The following SCN11A variants were observed in gnomAD, a reference collection of about 807,000 sequenced individuals.
SCN11A encodes sodium voltage-gated channel alpha subunit 11.
SCN11A carries 122 observed loss-of-function variants against 162.2 expected under a neutral mutation model. The observed-to-expected ratio is 0.75, with a 90% confidence interval of 0.65 to 0.87. SCN11A has a LOEUF of 0.87. Among genes scored for constraint, SCN11A ranks in the 40% least tolerant of loss-of-function variants. The pLI is 0.00. For missense variants in SCN11A, 2,015 were observed against 2,181.6 expected, an observed-to-expected ratio of 0.92 and a Z score of 1.52; for synonymous variants, 758 against 751.5, an observed-to-expected ratio of 1.01 and a Z score of -0.14.
intron 1 of SCN11A, among the ~76,000 whole-genome samples, chr3:39,044,320 G>C (rs2032132803): frequency 6.6e-6 from 1 of 152,006 alleles, no homozygotes; most frequent in South Asian, 2.1e-4. Context: ...AGACCAAATG[G>C]ACCTAACAGA....
chr3:38,857,777 A>T (rs2064894452), intron 28 of SCN11A, among the ~76,000 whole-genome samples: 1 of 152,176 alleles, frequency 6.6e-6, no homozygotes, highest in East Asian at 1.9e-4. Context: ...AGGAAAACCT[A>T]TCAGATTAAC....
chr3:38,891,355 A>G (rs1320414889), intron 19 of SCN11A, among the ~76,000 whole-genome samples: 1 of 152,178 alleles, frequency 6.6e-6, no homozygotes, highest in East Asian at 1.9e-4. Context: ...TGCAATCTAA[A>G]GAGCACAGAG....
intron 1 of SCN11A, among the ~76,000 whole-genome samples, chr3:39,040,612 C>T (rs748976840): frequency 1.3e-5 from 2 of 152,154 alleles, no homozygotes; most frequent in African/African-American, 2.4e-5. Context: ...AGGATAAATA[C>T]AGACATACAA....
chr3:39,036,215 C>T (rs2031902081), intron 1 of SCN11A, among the ~76,000 whole-genome samples: 1 of 152,174 alleles, frequency 6.6e-6, no homozygotes, highest in African/African-American at 2.4e-5. Context: ...ACAATATCAG[C>T]TCACTGCAAC....
At position 38,899,974 on chromosome 3, in the gene SCN11A, C is replaced by T. The variant is rs377765909; in HGVS notation, c.1942G>A (p.Val648Ile). 3.1e-6 allele frequency: 5 copies of T among 1,613,952 alleles called. No individual in the cohort carries two copies. The African/African-American group carries it at 5.3e-5, about 17-fold the overall frequency. The stretch of plus-strand genomic sequence containing the variant: ...ACATCTGCAAAACTCAGAAGAGCAA[C>T]AATGCTGTCAAAAATGTTCCAGCCT... ...RRGWNIFDSI[V>I]ALLSFADVMN... Residue 648 changes from valine to isoleucine, a missense_variant, in exon 17 of 30, where the codon GTT (valine) becomes ATT (isoleucine). Val to Ile is a conservative substitution (Grantham distance 29). Transcript: ENST00000302328.
chr3:39,042,754 T>A (rs2032078305), intron 1 of SCN11A, among the ~76,000 whole-genome samples: 1 of 151,828 alleles, frequency 6.6e-6, no homozygotes, highest in Non-Finnish European at 1.5e-5. Context: ...AGTCAGGAGT[T>A]CGACACCAGC....
At chr3:38,946,726 A>C in intron 6 of SCN11A, 63 bp downstream of exon 6, 1 of 1,045,064 alleles carries the variant, frequency 9.6e-7, no homozygotes, top group Admixed American at 2.1e-5. Context: ...TAACATGAAC[A>C]CCGTGGGGCA....
At chr3:38,968,031 C>G (rs2066793615) in intron 2 of SCN11A, among the ~76,000 whole-genome samples, 1 of 152,180 alleles carries the variant, frequency 6.6e-6, no homozygotes, top group African/African-American at 2.4e-5. Flanking sequence ...TGGCAGAGAA[C>G]AGGGGTGTCA....
At chr3:38,926,110 C>T (rs972358248) in intron 8 of SCN11A, among the ~76,000 whole-genome samples, 1 of 152,228 alleles carries the variant, frequency 6.6e-6, no homozygotes, top group African/African-American at 2.4e-5. Context: ...TATTGTTGTG[C>T]TGGCAATGTG....
chr3:38,871,414 T>G (rs2065122903), intron 25 of SCN11A, 31 bp downstream of exon 25: 2 of 1,541,422 alleles, frequency 1.3e-6, no homozygotes, highest in Middle Eastern at 1.7e-4. Context: ...GTTTTTCTCC[T>G]CAGAGTGAAA....
chr3:38,953,737 G>A lies in SCN11A; in HGVS notation c.-116C>T, dbSNP rs572837754. On this transcript the variant is annotated 5_prime_UTR_variant, in exon 4 of 30. Transcript: ENST00000302328. ...GGAATAAATTTGGTTTGCAACACACGAAGCTGAAGCTGCCTGGGGAACCTG... is the reference window on the plus strand; with the variant it reads ...GGAATAAATTTGGTTTGCAACACACAAAGCTGAAGCTGCCTGGGGAACCTG... Among the ~76,000 whole-genome samples, 2 of 152,254 alleles carry A rather than the reference G, an allele frequency of 1.3e-5. No individual in the cohort carries two copies. Among genetic ancestry groups the A allele is most frequent in the South Asian group, 2.1e-4 (1 of 4,806 alleles).
At chr3:39,007,720 A>G (rs939942600) in intron 2 of SCN11A, among the ~76,000 whole-genome samples, 2 of 152,224 alleles carry the variant, frequency 1.3e-5, no homozygotes, top group African/African-American at 4.8e-5. Flanking sequence ...ACCTTGCCCT[A>G]TGTACCTCTT....
chr3:38,969,940 AG>A (rs1299200079), intron 2 of SCN11A, among the ~76,000 whole-genome samples: 1 of 150,290 alleles, frequency 6.7e-6, no homozygotes, highest in African/African-American at 2.4e-5. Context: ...CAAAGCCTCC[AG>A]GCTTGCCTGC....
chr3:38,937,912 T>C (rs1407199427), intron 7 of SCN11A, among the ~76,000 whole-genome samples: 6 of 152,158 alleles, frequency 3.9e-5, no homozygotes, highest in African/African-American at 1.4e-4. Context: ...ATCATGCTGC[T>C]ATAAAGACAC....
chr3:39,014,625 G>C (rs919909189), intron 2 of SCN11A, among the ~76,000 whole-genome samples: 1 of 152,190 alleles, frequency 6.6e-6, no homozygotes, highest in African/African-American at 2.4e-5. Flanking sequence ...CACATAGTAA[G>C]ACCAGTTGAA....
At chr3:39,028,798 G>C (rs924533947) in intron 2 of SCN11A, among the ~76,000 whole-genome samples, 1 of 152,118 alleles carries the variant, frequency 6.6e-6, no homozygotes, top group Non-Finnish European at 1.5e-5. Context: ...AGTCCCGTTG[G>C]AGCAAGAACT....
intron 2 of SCN11A, among the ~76,000 whole-genome samples, chr3:38,967,848 T>A (rs1398960603): frequency 2.6e-5 from 4 of 152,240 alleles, no homozygotes; most frequent in African/African-American, 9.6e-5. Context: ...GCCCAACTCA[T>A]GAGAGCTCCT....
chr3:38,868,821 G>A lies in SCN11A; in HGVS notation c.3814-1363C>T, dbSNP rs559013775. Among the ~76,000 whole-genome samples, 11 of 152,314 alleles carry A rather than the reference G, an allele frequency of 7.2e-5. No individual in the cohort carries two copies. In the East Asian group the frequency reaches 9.6e-4, roughly 13 times the overall value. ...GGAAGGCCTGAGATATATCAGGAAGGCAGGCTGACTTAAGAGATTTGAGTA... is the reference window on the plus strand; with the variant it reads ...GGAAGGCCTGAGATATATCAGGAAGACAGGCTGACTTAAGAGATTTGAGTA... On this transcript the variant is annotated intron_variant, in intron 26 of 29. Transcript: ENST00000302328.
In SCN11A at chr3:38,950,114, T is replaced by C. The variant is rs1242177884; in HGVS notation, c.249A>G (p.Pro83=). Residue 83 remains proline (P), a synonymous_variant, in exon 5 of 30, where the codon CCA becomes CCG. Coordinates refer to ENST00000302328, the MANE Select transcript of SCN11A (RefSeq NM_001349253.2). ...LIGKPLEDLD[P]FYRNHKTFMV... The stretch of plus-strand genomic sequence containing the variant: ...GAAGTACCTTATGATTTCGGTAGAA[T>C]GGGTCCAAGTCTTCCAGAGGCTTTC... 1.5e-6 allele frequency: 2 copies of C among 1,306,998 alleles called. No homozygotes were observed. Among genetic ancestry groups the C allele is most frequent in the Non-Finnish European group, 2.0e-6 (2 of 983,270 alleles). 81.0% of individuals were successfully genotyped at this position (1,306,998 alleles called of 1,614,324 possible). A position where few individuals can be genotyped will look rare whatever the true frequency, so the allele number is the denominator to read the frequency against.
Sources: gnomAD v4.1 joint callset for allele counts (sites outside exome capture counted in the v4.1 genomes callset) on GRCh38, gnomAD v4.1.1 for gene constraint, MANE v1.5 for transcripts, NCBI Gene and HGNC (gene_info 2026-07-23, HGNC 2026-07-21) for gene names.